The following AKAP12 variants were observed in gnomAD, a reference collection of about 807,000 sequenced individuals.
AKAP12 encodes the protein A-kinase anchoring protein 12.
A neutral mutation model predicts 79.9 loss-of-function variants in AKAP12; 32 were observed. The observed-to-expected ratio is 0.40, with a 90% CI of 0.30 to 0.54. AKAP12 has a LOEUF of 0.54. Among genes scored for constraint, AKAP12 ranks in the 20% least tolerant of loss-of-function variants. The pLI is 0.48. For synonymous variants in AKAP12, 808 were observed against 857.0 expected, an observed-to-expected ratio of 0.94 and a Z score of 1.00; for missense variants, 2,074 against 2,177.0, an observed-to-expected ratio of 0.95 and a Z score of 0.94.
At chr6:151,251,972 G>T (rs376498998) in intron 2 of AKAP12, among the ~76,000 whole-genome samples, 1 of 152,012 alleles carries the variant, frequency 6.6e-6, no homozygotes, top group African/African-American at 2.4e-5. Context: ...ACTTCAGCCC[G>T]GGCAACAGCG....
intron 2 of AKAP12, among the ~76,000 whole-genome samples, chr6:151,275,060 C>T (rs1039694900): frequency 5.9e-5 from 9 of 152,132 alleles, no homozygotes; most frequent in Admixed American, 2.0e-4. Flanking sequence ...GCCGTGATCG[C>T]GCCACTGCAC....
chr6:151,326,489 TAA>T (rs746340831), intron 3 of AKAP12, among the ~76,000 whole-genome samples: 15 of 80,284 alleles, frequency 1.9e-4, no homozygotes, highest in Non-Finnish European at 1.6e-4. Context: ...CAACAAATAG[TAA>T]AAAAAAAAAA....
At chr6:151,301,443 C>T (rs761528123) in intron 2 of AKAP12, among the ~76,000 whole-genome samples, 1 of 152,140 alleles carries the variant, frequency 6.6e-6, no homozygotes, top group Non-Finnish European at 1.5e-5. Context: ...TTGATTTCCT[C>T]TATTTGAGGT....
intron 2 of AKAP12, among the ~76,000 whole-genome samples, chr6:151,300,571 C>T (rs1003097988): frequency 3.3e-5 from 5 of 152,146 alleles, no homozygotes; most frequent in East Asian, 1.9e-4. Flanking sequence ...GTCCCTAGCA[C>T]GTTGTGGACT....
chr6:151,254,967 G>A (rs866784523), intron 2 of AKAP12, among the ~76,000 whole-genome samples: 4 of 152,128 alleles, frequency 2.6e-5, no homozygotes, highest in Middle Eastern at 3.2e-3. Context: ...CAGTCCCTGT[G>A]ATCTTCAGAA....
At chr6:151,303,565 G>C (rs1046556212) in intron 2 of AKAP12, among the ~76,000 whole-genome samples, 2 of 152,194 alleles carry the variant, frequency 1.3e-5, no homozygotes, top group Non-Finnish European at 2.9e-5. Flanking sequence ...TGAACCCACT[G>C]TCCCTTCAGC....
intron 2 of AKAP12, among the ~76,000 whole-genome samples, chr6:151,302,040 G>A (rs1053487495): frequency 3.0e-4 from 45 of 147,800 alleles, no homozygotes; most frequent in African/African-American, 1.1e-3. Flanking sequence ...TTTAAGAGAC[G>A]GAGTCTCCCT....
chr6:151,291,573 G>T (rs1407686723), intron 2 of AKAP12, among the ~76,000 whole-genome samples: 1 of 152,186 alleles, frequency 6.6e-6, no homozygotes, highest in Non-Finnish European at 1.5e-5. Flanking sequence ...CTGGATTCGC[G>T]TCACTTACTT....
chr6:151,326,627 G>T (rs1777535012), intron 3 of AKAP12, among the ~76,000 whole-genome samples: 1 of 151,986 alleles, frequency 6.6e-6, no homozygotes, highest in South Asian at 2.1e-4. Context: ...CTTTTAGAAT[G>T]CTCTTACAGC....
At chr6:151,323,792 G>A (rs1777458558) in intron 3 of AKAP12, 1 of 985,260 alleles carries the variant, frequency 1.0e-6, no homozygotes, top group African/African-American at 1.7e-5. Flanking sequence ...AGGAGCTGGA[G>A]ATTCATTCTG....
intron 3 of AKAP12, 31 bp from the exon 4 acceptor site, chr6:151,348,680 T>TG: frequency 1.4e-5 from 5 of 355,190 alleles, no homozygotes; most frequent in South Asian, 3.0e-5. Context: ...TTTTCTCTTC[T>TG]CCCCACCCCC....
intron 2 of AKAP12, among the ~76,000 whole-genome samples, chr6:151,302,389 G>A (rs1029306990): frequency 3.9e-5 from 6 of 152,030 alleles, no homozygotes; most frequent in African/African-American, 1.4e-4. Flanking sequence ...CAAACTTTTG[G>A]GCTCAAGCAA....
intron 3 of AKAP12, among the ~76,000 whole-genome samples, chr6:151,322,245 G>A (rs972508408): frequency 6.6e-6 from 1 of 151,916 alleles, no homozygotes; most frequent in Non-Finnish European, 1.5e-5. Context: ...TCATCCTAGT[G>A]GGTGTGAGGT....
intron 3 of AKAP12, among the ~76,000 whole-genome samples, chr6:151,342,067 C>T (rs1582894638): frequency 6.6e-6 from 1 of 152,346 alleles, no homozygotes; most frequent in Admixed American, 6.5e-5. Flanking sequence ...TTGGAATGGA[C>T]ATGGCTGTGG....
At chr6:151,260,421 G>A (rs1448382849) in intron 2 of AKAP12, among the ~76,000 whole-genome samples, 2 of 152,198 alleles carry the variant, frequency 1.3e-5, no homozygotes, top group African/African-American at 4.8e-5. Flanking sequence ...TGGCTATGCT[G>A]CCGAATAGGA....
chr6:151,317,969 C>G (rs1777273345), intron 3 of AKAP12, among the ~76,000 whole-genome samples: 1 of 152,206 alleles, frequency 6.6e-6, no homozygotes, highest in South Asian at 2.1e-4. Flanking sequence ...AAGGTTTGCT[C>G]TCAAGCAGCC....
At chr6:151,281,470 C>A (rs984048128) in intron 2 of AKAP12, among the ~76,000 whole-genome samples, 19 of 152,050 alleles carry the variant, frequency 1.2e-4, no homozygotes, top group African/African-American at 4.6e-4. Context: ...GATTTAGTGC[C>A]CACTTTATCT....
At chr6:151,291,748 A>G (rs1030711492) in intron 2 of AKAP12, among the ~76,000 whole-genome samples, 1 of 152,246 alleles carries the variant, frequency 6.6e-6, no homozygotes. Flanking sequence ...TAAATGTTTA[A>G]TGAGTTTTTT....
chr6:151,278,367 C>A (rs1384543668), intron 2 of AKAP12, among the ~76,000 whole-genome samples: 1 of 152,122 alleles, frequency 6.6e-6, no homozygotes, highest in African/African-American at 2.4e-5. Flanking sequence ...AGGCGCCCAC[C>A]ACCATGCCCA....
Sources: gnomAD v4.1 joint callset for allele counts (sites outside exome capture counted in the v4.1 genomes callset) on GRCh38, gnomAD v4.1.1 for gene constraint, MANE v1.5 for transcripts, NCBI Gene and HGNC (gene_info 2026-07-23, HGNC 2026-07-21) for gene names.